The following TBC1D19 variants were observed in gnomAD, a reference collection of about 807,000 sequenced individuals.
TBC1D19 encodes the protein TBC1 domain family, member 19.
In TBC1D19, 60 loss-of-function variants were observed where a neutral mutation model predicts 89.0. The observed-to-expected ratio is 0.67, with a 90% CI of 0.55 to 0.84. The LOEUF is 0.84. Ranked by LOEUF, TBC1D19 falls within the 40% of genes least tolerant of loss-of-function variation. The pLI, the probability that TBC1D19 is intolerant of heterozygous loss-of-function variation, is 0.00. For missense variants in TBC1D19, 500 were observed against 610.8 expected (o/e 0.82, Z 1.91); for synonymous variants, 189 against 199.7 (o/e 0.95, Z 0.45).
At chr4:26,748,117 T>G (rs1718749747) in intron 18 of TBC1D19, among the ~76,000 whole-genome samples, 1 of 152,192 alleles carries the variant, frequency 6.6e-6, no homozygotes, top group Non-Finnish European at 1.5e-5. Flanking sequence ...GATAGCTAAG[T>G]AGTATACACT....
At chr4:26,846,904 G>T in the TBC1D19 span, among the ~76,000 whole-genome samples, 1 of 151,990 alleles carries the variant, frequency 6.6e-6, no homozygotes, top group East Asian at 1.9e-4. Context: ...TCTTTTTACT[G>T]ATTTTCAGGC....
chr4:26,853,007 A>G, the TBC1D19 span, among the ~76,000 whole-genome samples: 24 of 152,336 alleles, frequency 1.6e-4, no homozygotes, highest in African/African-American at 5.5e-4. Flanking sequence ...AGCCTCCGCA[A>G]TGGCGTCCCC....
chr4:26,689,802 C>T (rs945670568), intron 13 of TBC1D19, among the ~76,000 whole-genome samples: 4 of 152,076 alleles, frequency 2.6e-5, no homozygotes, highest in African/African-American at 9.7e-5. Flanking sequence ...CCTTTCTATA[C>T]ACTGAGACAC....
At chr4:26,694,419 G>A (rs955099173) in intron 13 of TBC1D19, among the ~76,000 whole-genome samples, 8 of 152,290 alleles carry the variant, frequency 5.3e-5, no homozygotes, top group African/African-American at 1.7e-4. Flanking sequence ...TGGGTGGAGC[G>A]CACCTCAGCT....
Position 26,618,061 on chromosome 4 carries a change from C to T in TBC1D19, c.219-2552C>T, listed in dbSNP as rs183347893. 5.3e-5 allele frequency among the ~76,000 whole-genome samples: 8 copies of T among 152,252 alleles called. No homozygotes were observed. In the East Asian group the frequency reaches 9.6e-4, roughly 18 times the overall value. On this transcript the variant is annotated intron_variant, in intron 3 of 20. Transcript: ENST00000264866. The stretch of plus-strand genomic sequence containing the variant: ...GCAGTAGACCTGGGTACCTCTGAAA[C>T]GTCCTAAACATACAGTTCTTCTTTG...
chr4:26,712,803 A>G (rs1002753953), intron 13 of TBC1D19, among the ~76,000 whole-genome samples: 9 of 152,024 alleles, frequency 5.9e-5, no homozygotes, highest in African/African-American at 2.2e-4. Context: ...ACCTGCTTTC[A>G]TGGCAGCTAG....
chr4:26,808,336 G>A, the TBC1D19 span, among the ~76,000 whole-genome samples: 1 of 152,172 alleles, frequency 6.6e-6, no homozygotes, highest in Non-Finnish European at 1.5e-5. Context: ...CTCCCTCTGC[G>A]TAAGTAGATT....
intron 5 of TBC1D19, among the ~76,000 whole-genome samples, chr4:26,637,573 T>C (rs1396040302): frequency 6.6e-6 from 1 of 152,022 alleles, no homozygotes; most frequent in Non-Finnish European, 1.5e-5. Flanking sequence ...GGGGTTTCAC[T>C]GTGTTAGTCA....
chr4:26,850,540 CAA>C, the TBC1D19 span, among the ~76,000 whole-genome samples: 11 of 90,420 alleles, frequency 1.2e-4, no homozygotes, highest in African/African-American at 4.8e-4. Flanking sequence ...GACCCTGTCT[CAA>C]AAAAAAAAAA....
At chr4:26,653,969 T>C (rs1744597439) in intron 7 of TBC1D19, among the ~76,000 whole-genome samples, 1 of 152,172 alleles carries the variant, frequency 6.6e-6, no homozygotes. Context: ...TTCCTAGCCT[T>C]GATGGTCTTT....
At chr4:26,634,461 C>T (rs1241678027) in intron 4 of TBC1D19, among the ~76,000 whole-genome samples, 1 of 152,010 alleles carries the variant, frequency 6.6e-6, no homozygotes, top group Non-Finnish European at 1.5e-5. Flanking sequence ...CCCAGGGTTT[C>T]AAGCAGATAC....
intron 1 of TBC1D19, among the ~76,000 whole-genome samples, chr4:26,591,156 G>T (rs1209412404): frequency 2.0e-5 from 3 of 151,660 alleles, no homozygotes; most frequent in Non-Finnish European, 2.9e-5. Context: ...GTGGTATGTA[G>T]TTATTTTACT....
the TBC1D19 span, among the ~76,000 whole-genome samples, chr4:26,784,496 G>A: frequency 6.6e-6 from 1 of 152,180 alleles, no homozygotes; most frequent in Non-Finnish European, 1.5e-5. Context: ...CTTAGGCTAT[G>A]GCTAGCCTCA....
chr4:26,786,783 GGA>G, the TBC1D19 span, among the ~76,000 whole-genome samples: 1 of 150,392 alleles, frequency 6.6e-6, no homozygotes, highest in Non-Finnish European at 1.5e-5. Context: ...ATGGATGGAT[GGA>G]TGGATGGATG....
chr4:26,719,975 A>T, intron 14 of TBC1D19, 106 bp from the exon 15 acceptor site: 1 of 834,206 alleles, frequency 1.2e-6, no homozygotes, highest in Non-Finnish European at 1.8e-6. Flanking sequence ...ATATCAGTTT[A>T]TAGTAGTTTT....
intron 13 of TBC1D19, among the ~76,000 whole-genome samples, chr4:26,704,102 A>C (rs1715548439): frequency 1.3e-5 from 2 of 152,192 alleles, no homozygotes; most frequent in South Asian, 4.1e-4. Flanking sequence ...GTTTTTAGTA[A>C]TAAGCCAATC....
At chr4:26,754,145 C>A in intron 20 of TBC1D19, 1 of 380,554 alleles carries the variant, frequency 2.6e-6, no homozygotes, top group East Asian at 4.1e-5. Context: ...AAACCAGATA[C>A]CTGGTAATTT....
In TBC1D19 at chr4:26,742,517, T is replaced by C. The variant is rs757206593; in HGVS notation, c.1237T>C (p.Ser413Pro). ...TCATTATTGTATCCAGGGTATTGTG[T>C]CACTCTGTCTGCTGTTTGAAACTCT... is the stretch of plus-strand genomic sequence containing the variant. ...SISSHPSGIV[S>P]LCLLFETLLQ... The change falls in exon 18 of 21, where the codon TCA becomes CCA. Residue 413 changes from serine to proline, a missense_variant. Ser to Pro is a moderately conservative substitution (Grantham distance 74, BLOSUM62 -1). This residue lies in a region of TBC1D19 where 220 missense variants were observed against 319.1 expected (regional missense o/e 0.69). Coordinates refer to ENST00000264866, the MANE Select transcript of TBC1D19 (RefSeq NM_018317.4). 2 of 1,610,188 alleles carry C rather than the reference T, an allele frequency of 1.2e-6. No individual in the cohort carries two copies. The highest frequency in any genetic ancestry group is 1.7e-6 in the Non-Finnish European group (2 of 1,177,794).
intron 1 of TBC1D19, among the ~76,000 whole-genome samples, chr4:26,609,158 T>C (rs1741203027): frequency 1.3e-5 from 2 of 150,946 alleles, no homozygotes; most frequent in South Asian, 4.2e-4. Flanking sequence ...TGTATACATA[T>C]GTAACAAACC....
Sources: allele counts gnomAD v4.1 joint callset (sites outside exome capture counted in the v4.1 genomes callset), GRCh38; gene constraint gnomAD v4.1.1; regional missense constraint gnomAD v4.1.1; transcripts MANE v1.5; gene names NCBI Gene and HGNC (gene_info 2026-07-23, HGNC 2026-07-21).